GET4: variants seen among roughly 807,000 people sequenced by gnomAD.
GET4 encodes Golgi to ER traffic protein 4 homolog.
Under a neutral mutation model 40.0 loss-of-function variants are expected in GET4, and 20 were observed. That is an observed-to-expected ratio of 0.50 (90% CI 0.35 to 0.73). The LOEUF is 0.73. Among genes scored for constraint, GET4 ranks in the 30% least tolerant of loss-of-function variants. The probability of loss-of-function intolerance (pLI) is 0.01; values close to 1 mark genes in which losing one functional copy is unlikely to be tolerated. For synonymous variants in GET4, 280 were observed against 194.6 expected (o/e 1.44, Z -3.65); for missense variants, 557 against 454.0 (o/e 1.23, Z -2.06).
At chr7:884,706 C>T (rs926144916) in intron 1 of GET4, 5 of 175,546 alleles carry the variant, frequency 2.8e-5, no homozygotes, top group Non-Finnish European at 1.2e-5. Flanking sequence ...GGCTGGCCTT[C>T]CCGTCCTGGC....
In GET4 at chr7:893,978, CG is replaced by C; in HGVS notation, c.895+11del. ...TCCTACGGGGGCCTGCTCGGTAAGC[CG>C]GGGCGCCCTTGTCACACCCACTCCA... On this transcript the variant is annotated splice_region_variant and intron_variant, in intron 8 of 8. Coordinates refer to ENST00000265857, the MANE Select transcript of GET4 (RefSeq NM_015949.3). 2 of 1,574,946 alleles carry C rather than the reference CG, an allele frequency of 1.3e-6. No individual in the cohort carries two copies. Among genetic ancestry groups the C allele is most frequent in the South Asian group, 1.2e-5 (1 of 85,572 alleles).
intron 1 of GET4, chr7:885,207 A>G (rs1465520650): frequency 6.6e-6 from 1 of 152,258 alleles, no homozygotes; most frequent in Non-Finnish European, 1.5e-5. Flanking sequence ...ATAATAAGGC[A>G]GCGATCATTA....
chr7:890,796 C>A, intron 4 of GET4, 132 bp from the exon 5 acceptor site: 1 of 707,242 alleles, frequency 1.4e-6, no homozygotes, highest in South Asian at 1.7e-5. Context: ...GGACCTCTGC[C>A]TGTGGGCTCT....
chr7:895,569 C>T lies in GET4; in HGVS notation c.*147C>T, dbSNP rs149040751. The T allele has an allele frequency of 9.2e-3, 4,764 of 516,392 alleles. 203 individuals are homozygous for T. The highest frequency in any genetic ancestry group is 0.084 in the African/African-American group (4,279 of 50,722). 32.0% of individuals were successfully genotyped at this position (516,392 alleles called of 1,614,324 possible). Reference sequence around the variant, plus strand: ...CCGGCGCGTGTCTGTTTCTGTGCGGCGGCTCAGGGTGGCGCGGCTGCTGCT... The same window carrying T: ...CCGGCGCGTGTCTGTTTCTGTGCGGTGGCTCAGGGTGGCGCGGCTGCTGCT... On this transcript the variant is annotated 3_prime_UTR_variant, in exon 9 of 9. Transcript: ENST00000265857.
At chr7:890,616 G>C (rs1346739483) in intron 4 of GET4, among the ~76,000 whole-genome samples, 2 of 152,134 alleles carry the variant, frequency 1.3e-5, no homozygotes, top group African/African-American at 4.8e-5. Flanking sequence ...TAGGTGAGAA[G>C]GGTCACATGG....
intron 4 of GET4, 85 bp from the exon 5 acceptor site, chr7:890,843 A>T: frequency 8.8e-7 from 1 of 1,138,290 alleles, no homozygotes; most frequent in South Asian, 1.3e-5. Flanking sequence ...GGTGGGCTAG[A>T]ATTAACATGG....
chr7:878,980 C>T (rs963728382), intron 1 of GET4, among the ~76,000 whole-genome samples: 3 of 151,918 alleles, frequency 2.0e-5, no homozygotes, highest in Non-Finnish European at 4.4e-5. Context: ...ACAGACACCC[C>T]CCCCCGAGTA....
rs547375592 is a variant in GET4, at chr7:895,765, G to A, written c.*343G>A. On this transcript the variant is annotated 3_prime_UTR_variant, in exon 9 of 9. Transcript: ENST00000265857. ...GGCAGCACAGGAGGCCCGTCCTCGG[G>A]GGGCTGCGCACATCACGCTCCTTGC... The A allele has an allele frequency of 1.8e-4, 32 of 177,620 alleles. No homozygotes were observed. The highest frequency in any genetic ancestry group is 2.2e-3 in the Middle Eastern group (1 of 446). The allele number at this position is 177,620 out of a possible 1,614,324, so 11.0% of individuals were successfully genotyped here.
In GET4 at chr7:895,440, G is replaced by T; in HGVS notation, c.*18G>T. On this transcript the variant is annotated 3_prime_UTR_variant, in exon 9 of 9. Transcript: ENST00000265857. The stretch of plus-strand genomic sequence containing the variant: ...TGGACTGAACTGGCCAGGCCACGTG[G>T]AGACACCACGGTCGACGACGGCTGG... 2 of 1,378,612 alleles carry T rather than the reference G, an allele frequency of 1.5e-6. No homozygotes were observed. The highest frequency in any genetic ancestry group is 2.1e-6 in the Non-Finnish European group (2 of 972,288). The allele number at this position is 1,378,612 out of a possible 1,614,324, so 85.4% of individuals were successfully genotyped here. A position where few individuals can be genotyped will look rare whatever the true frequency, so the allele number is the denominator to read the frequency against.
intron 6 of GET4, 21 bp downstream of exon 6, chr7:892,439 G>T (rs1188539673): frequency 2.9e-5 from 46 of 1,582,278 alleles, no homozygotes; most frequent in Non-Finnish European, 3.9e-5. Flanking sequence ...GGATCCTGCA[G>T]GGGGAGGGGG....
intron 4 of GET4, among the ~76,000 whole-genome samples, chr7:889,491 A>T (rs547519814): frequency 6.6e-6 from 1 of 152,064 alleles, no homozygotes; most frequent in East Asian, 1.9e-4. Flanking sequence ...GGACTCTGGC[A>T]GCCACAAAGG....
chr7:893,797 G>C lies in GET4; in HGVS notation c.804G>C (p.Arg268=). The C allele has an allele frequency of 1.9e-6, 3 of 1,611,048 alleles. No homozygotes were observed. Among genetic ancestry groups the C allele is most frequent in the Non-Finnish European group, 2.5e-6 (3 of 1,177,838 alleles). The change falls in exon 7 of 9, where the codon CGG becomes CGC. Residue 268 remains arginine, a synonymous_variant. Coordinates refer to ENST00000265857, the MANE Select transcript of GET4 (RefSeq NM_015949.3). Reference sequence around the variant, plus strand: ...AGCAGTACCAGCCATCCCTCCGGCGGGACCCCATGTACAACGAGGTGAGAG... The same window carrying C: ...AGCAGTACCAGCCATCCCTCCGGCGCGACCCCATGTACAACGAGGTGAGAG... ...LCEQYQPSLR[R]DPMYNEYLDR... is the part of the protein sequence containing the mutation.
At chr7:887,089 C>G (rs1178066206) in intron 3 of GET4, 1 of 629,328 alleles carries the variant, frequency 1.6e-6, no homozygotes, top group Non-Finnish European at 3.0e-6. Flanking sequence ...GTACCCAGAG[C>G]GGCCACAGCT....
intron 5 of GET4, 50 bp downstream of exon 5, chr7:891,116 G>GCCAA: frequency 1.3e-6 from 2 of 1,498,170 alleles, no homozygotes; most frequent in Non-Finnish European, 1.8e-6. Flanking sequence ...TGCCTTGGCT[G>GCCAA]GGCAGCCTTA....
chr7:888,646 C>G (rs1844244536), intron 4 of GET4, among the ~76,000 whole-genome samples: 1 of 152,250 alleles, frequency 6.6e-6, no homozygotes, highest in South Asian at 2.1e-4. Flanking sequence ...GTGGTCGCCT[C>G]CTTCCTCAGA....
intron 4 of GET4, among the ~76,000 whole-genome samples, chr7:887,736 C>T (rs1354926499): frequency 2.0e-5 from 3 of 152,208 alleles, no homozygotes; most frequent in African/African-American, 4.8e-5. Context: ...GCGGCCGCCT[C>T]TCCAGGCCTT....
At chr7:880,280 G>T (rs1284700930) in intron 1 of GET4, 1 of 152,584 alleles carries the variant, frequency 6.6e-6, no homozygotes, top group South Asian at 2.1e-4. Flanking sequence ...GGCGGAGGTT[G>T]TGGTGAGCCG....
At chr7:881,710 T>C (rs1270773616) in intron 1 of GET4, 1 of 152,254 alleles carries the variant, frequency 6.6e-6, no homozygotes, top group Non-Finnish European at 1.5e-5. Context: ...CTCAGGTCTG[T>C]GTGCAGGCTT....
chr7:878,921 A>G (rs946009224), intron 1 of GET4, among the ~76,000 whole-genome samples: 1 of 152,096 alleles, frequency 6.6e-6, no homozygotes, highest in African/African-American at 2.4e-5. Flanking sequence ...TTATAGCAAA[A>G]TGGAGTGTGG....
Sources: gnomAD v4.1 joint callset for allele counts (sites outside exome capture counted in the v4.1 genomes callset) on GRCh38, gnomAD v4.1.1 for gene constraint, MANE v1.5 for transcripts, NCBI Gene and HGNC (gene_info 2026-07-23, HGNC 2026-07-21) for gene names.